GPR89A: variants seen among roughly 807,000 people sequenced by gnomAD.
GPR89A encodes G protein-coupled receptor 89A.
GPR89A carries 16 observed loss-of-function variants against 52.0 expected under a neutral mutation model. The observed-to-expected ratio is 0.31, with a 90% CI of 0.21 to 0.47. The LOEUF (loss-of-function observed/expected upper bound fraction) is 0.47, where lower values mean the gene tolerates loss of function less well. GPR89A is among the 20% of genes least tolerant of loss of function. The pLI is 1.00. For missense variants in GPR89A, 135 were observed against 449.4 expected (o/e 0.30, Z 6.33); for synonymous variants, 55 against 150.9 (o/e 0.36, Z 4.66).
intron 1 of GPR89A, among the ~76,000 whole-genome samples, chr1:145,615,682 G>A (rs1441200794): frequency 1.5e-5 from 2 of 130,502 alleles, no homozygotes; most frequent in East Asian, 4.3e-4. Flanking sequence ...CTGGAATGCA[G>A]TGGCACGATA....
intron 11 of GPR89A, among the ~76,000 whole-genome samples, chr1:145,665,071 T>C (rs1387296930): frequency 6.6e-6 from 1 of 152,062 alleles, no homozygotes; most frequent in East Asian, 1.9e-4. Flanking sequence ...TATTCATAGA[T>C]AGAAAATAAT....
intron 10 of GPR89A, among the ~76,000 whole-genome samples, chr1:145,660,161 A>G (rs1652097429): frequency 6.6e-6 from 1 of 152,192 alleles, no homozygotes; most frequent in African/African-American, 2.4e-5. Context: ...ATCTACAACT[A>G]TCTGATCTTT....
chr1:145,636,246 G>C (rs1202662525), intron 7 of GPR89A, among the ~76,000 whole-genome samples: 1 of 151,228 alleles, frequency 6.6e-6, no homozygotes, highest in African/African-American at 2.4e-5. Flanking sequence ...ACAACACTGG[G>C]GCCCTTGGGA....
chr1:145,654,974 TCA>T (rs1452904616), intron 10 of GPR89A, among the ~76,000 whole-genome samples: 1 of 150,118 alleles, frequency 6.7e-6, no homozygotes, highest in African/African-American at 2.5e-5. Flanking sequence ...CCCATAGTTC[TCA>T]GAGGTTTTGT....
chr1:145,609,607 C>A (rs1216460835), intron 1 of GPR89A, among the ~76,000 whole-genome samples: 4 of 152,184 alleles, frequency 2.6e-5, no homozygotes, highest in African/African-American at 7.2e-5. Flanking sequence ...ATTAGCTTTT[C>A]TTTTCATTTA....
chr1:145,637,815 CAG>C (rs1350732915), intron 7 of GPR89A, among the ~76,000 whole-genome samples: 2 of 152,164 alleles, frequency 1.3e-5, no homozygotes, highest in African/African-American at 4.8e-5. Context: ...ACTACAGTAA[CAG>C]AAATAAAAAT....
chr1:145,637,056 C>T (rs2624738), intron 7 of GPR89A, among the ~76,000 whole-genome samples: 2 of 152,102 alleles, frequency 1.3e-5, no homozygotes, highest in Non-Finnish European at 1.5e-5. Flanking sequence ...CACCAAAGAG[C>T]CTGAGAAAAA....
At chr1:145,636,728 A>G (rs1553690829) in intron 7 of GPR89A, among the ~76,000 whole-genome samples, 2 of 152,048 alleles carry the variant, frequency 1.3e-5, no homozygotes, top group South Asian at 4.1e-4. Flanking sequence ...AATCATAAAA[A>G]CTGGAAAAAA....
rs145408409 is a variant in GPR89A at position 145,625,211 on chromosome 1, C to T, written c.415+1497C>T. On this transcript the variant is annotated intron_variant, in intron 5 of 13. Transcript: ENST00000313835. ...CAAAATTTCAAATAACGTTAAAGGC[C>T]GGAAAACTTAACATAACACCAGCCT... Among the ~76,000 whole-genome samples, 739 of 151,622 alleles carry T rather than the reference C, an allele frequency of 4.9e-3. 8 individuals are homozygous for T. Among genetic ancestry groups the T allele is most frequent in the African/African-American group, 0.017 (691 of 41,252 alleles).
chr1:145,640,073 G>A (rs12137339), intron 7 of GPR89A, among the ~76,000 whole-genome samples: 4 of 151,602 alleles, frequency 2.6e-5, no homozygotes, highest in African/African-American at 9.7e-5. Flanking sequence ...CAAAAAATTA[G>A]CCCGGTGTGG....
chr1:145,654,280 G>A (rs1236378239), intron 10 of GPR89A, among the ~76,000 whole-genome samples: 1 of 152,114 alleles, frequency 6.6e-6, no homozygotes, highest in Non-Finnish European at 1.5e-5. Flanking sequence ...TGAGCTGGGC[G>A]TGGTGGCTCA....
At chr1:145,612,783 G>C (rs1648392218) in intron 1 of GPR89A, among the ~76,000 whole-genome samples, 1 of 151,592 alleles carries the variant, frequency 6.6e-6, no homozygotes, top group African/African-American at 2.4e-5. Flanking sequence ...TTTCCCCTTG[G>C]CCAATAAACT....
intron 1 of GPR89A, among the ~76,000 whole-genome samples, chr1:145,610,956 TC>T (rs1479241279): frequency 1.3e-5 from 2 of 152,162 alleles, no homozygotes; most frequent in Non-Finnish European, 2.9e-5. Flanking sequence ...ACTTATCAGT[TC>T]CAGAGTACAC....
rs1299032411 is a variant in GPR89A, at chr1:145,611,475, A to G, written c.42+3300A>G. 3.3e-5 allele frequency: 5 copies of G among 152,172 alleles called. No individual in the cohort carries two copies. In the East Asian group the frequency reaches 9.7e-4, roughly 29 times the overall value. 9.4% of individuals were successfully genotyped at this position (152,172 alleles called of 1,614,324 possible). On this transcript the variant is annotated intron_variant, in intron 1 of 13. Coordinates refer to ENST00000313835, the MANE Select transcript of GPR89A (RefSeq NM_001097612.2). ...TTTCTGTTCTTGCATTAATTTGCTTAGGATGATGGCCTCTAGCTGCATCTA... is the reference window on the plus strand; with the variant it reads ...TTTCTGTTCTTGCATTAATTTGCTTGGGATGATGGCCTCTAGCTGCATCTA...
intron 8 of GPR89A, chr1:145,645,504 G>A (rs1650921456): frequency 1.4e-5 from 6 of 441,822 alleles, no homozygotes; most frequent in South Asian, 4.8e-5. Context: ...CTCTAAATGG[G>A]AGAATAATAA....
intron 7 of GPR89A, among the ~76,000 whole-genome samples, chr1:145,640,272 G>GAA (rs1179077991): frequency 1.1e-3 from 62 of 57,564 alleles, no homozygotes; most frequent in East Asian, 2.7e-3. Context: ...AAAACTTTCA[G>GAA]AAAAAAAAAA....
chr1:145,661,770 T>C (rs1234389305), intron 10 of GPR89A, among the ~76,000 whole-genome samples: 1 of 150,998 alleles, frequency 6.6e-6, no homozygotes. Context: ...TTTGCTGATA[T>C]AGGGGTTTTA....
intron 10 of GPR89A, among the ~76,000 whole-genome samples, chr1:145,650,162 GT>G (rs1276295208): frequency 6.6e-6 from 1 of 151,514 alleles, no homozygotes; most frequent in Non-Finnish European, 1.5e-5. Context: ...ACAGGTCCCA[GT>G]TTGTGTTGTT....
At chr1:145,650,479 A>C (rs1651373445) in intron 10 of GPR89A, among the ~76,000 whole-genome samples, 1 of 151,884 alleles carries the variant, frequency 6.6e-6, no homozygotes, top group Non-Finnish European at 1.5e-5. Flanking sequence ...GGAATGATTT[A>C]TATTCCTTTG....
Sources: gnomAD v4.1 joint callset for allele counts (sites outside exome capture counted in the v4.1 genomes callset) on GRCh38, gnomAD v4.1.1 for gene constraint, MANE v1.5 for transcripts, NCBI Gene and HGNC (gene_info 2026-07-23, HGNC 2026-07-21) for gene names.